Variants in NUDT3 observed in about 807,000 individuals in gnomAD.
NUDT3 encodes the protein nudix hydrolase 3.
Under a neutral mutation model 23.6 loss-of-function variants are expected in NUDT3, and 9 were observed. That is an observed-to-expected ratio of 0.38 (90% CI 0.23 to 0.66). The LOEUF (loss-of-function observed/expected upper bound fraction) is 0.66, where lower values mean the gene tolerates loss of function less well. NUDT3 is among the 30% of genes least tolerant of loss of function. NUDT3 has a pLI of 0.52. For synonymous variants in NUDT3, 86 were observed against 82.6 expected (o/e 1.04, Z -0.22); for missense variants, 172 against 218.5 (o/e 0.79, Z 1.34).
At chr6:34,326,598 CTTTT>C (rs576434468) in intron 2 of NUDT3, among the ~76,000 whole-genome samples, 5 of 146,852 alleles carry the variant, frequency 3.4e-5, no homozygotes, top group African/African-American at 7.5e-5. Flanking sequence ...GATAATCCAG[CTTTT>C]TTTTTTTCTT....
intron 1 of NUDT3, among the ~76,000 whole-genome samples, chr6:34,358,836 C>A (rs1764602935): frequency 6.6e-6 from 1 of 152,050 alleles, no homozygotes; most frequent in African/African-American, 2.4e-5. Flanking sequence ...AAGAGCCAAT[C>A]ATATGGTGGA....
rs1763263402 is a variant in NUDT3 at position 34,279,990 on chromosome 6, G to A, written c.*8763C>T. 1 of 152,232 alleles carries A rather than the reference G, an allele frequency of 6.6e-6. No individual in the cohort carries two copies. Among genetic ancestry groups the A allele is most frequent in the Admixed American group, 6.5e-5 (1 of 15,268 alleles). The allele number at this position is 152,232 out of a possible 1,614,324, so 9.4% of individuals were successfully genotyped here. A position where few individuals can be genotyped will look rare whatever the true frequency, so the allele number is the denominator to read the frequency against. The stretch of plus-strand genomic sequence containing the variant: ...ATATGTGTGGCTGGCCTGTTCTTTA[G>A]AGAGGAAGGTGGGATGGTATCTGCT... On this transcript the variant is annotated 3_prime_UTR_variant, in exon 5 of 5. Coordinates refer to ENST00000607016, the MANE Select transcript of NUDT3 (RefSeq NM_006703.4).
At chr6:34,325,933 G>GTA (rs1467337730) in intron 2 of NUDT3, among the ~76,000 whole-genome samples, 2 of 152,120 alleles carry the variant, frequency 1.3e-5, no homozygotes, top group Admixed American at 6.5e-5. Flanking sequence ...AATATAGCTG[G>GTA]TATATATATA....
chr6:34,354,339 T>C (rs1764524806), intron 1 of NUDT3, among the ~76,000 whole-genome samples: 1 of 151,314 alleles, frequency 6.6e-6, no homozygotes, highest in Non-Finnish European at 1.5e-5. Flanking sequence ...TGCTCTATGA[T>C]CATCCTATGA....
intron 1 of NUDT3, among the ~76,000 whole-genome samples, chr6:34,380,595 G>C (rs1417432956): frequency 6.6e-6 from 1 of 152,170 alleles, no homozygotes; most frequent in Non-Finnish European, 1.5e-5. Context: ...GATTTTCCTG[G>C]TTGATTTCAC....
rs529781023 is a variant in NUDT3, at chr6:34,345,089, C to T, written c.100-3117G>A. ...TTGAGACGGAGTTTTGTTCTTGTTG[C>T]CCAGGCTGGAGTACAGTGGTGCAAC... On this transcript the variant is annotated intron_variant, in intron 1 of 4. Transcript: ENST00000607016. Among the ~76,000 whole-genome samples the T allele has an allele frequency of 7.9e-5, 12 of 151,730 alleles. 1 individual carries two copies. In the South Asian group the frequency reaches 2.5e-3, roughly 32 times the overall value.
chr6:34,351,210 A>AAAAAAAAAAAC (rs1561915081), intron 1 of NUDT3, among the ~76,000 whole-genome samples: 1 of 133,260 alleles, frequency 7.5e-6, no homozygotes, highest in East Asian at 2.1e-4. Flanking sequence ...AAAAAAAAAA[A>AAAAAAAAAAAC]AAAAAAAAAA....
intron 1 of NUDT3, among the ~76,000 whole-genome samples, chr6:34,383,126 CAAA>C (rs557348971): frequency 4.6e-5 from 3 of 65,024 alleles, no homozygotes; most frequent in Non-Finnish European, 3.2e-5. Flanking sequence ...GACTCCATCT[CAAA>C]AAAAAAAAAA....
intron 1 of NUDT3, among the ~76,000 whole-genome samples, chr6:34,390,736 T>G (rs964487158): frequency 1.8e-4 from 28 of 152,278 alleles, no homozygotes; most frequent in Non-Finnish European, 3.2e-4. Flanking sequence ...TGCTCACAGA[T>G]TTATGCATAC....
At chr6:34,310,563 C>A (rs1392916356) in intron 2 of NUDT3, among the ~76,000 whole-genome samples, 2 of 152,100 alleles carry the variant, frequency 1.3e-5, no homozygotes, top group African/African-American at 4.8e-5. Context: ...CCACCACCAC[C>A]ATAATAACCT....
At chr6:34,380,507 T>G (rs567942684) in intron 1 of NUDT3, among the ~76,000 whole-genome samples, 2 of 152,260 alleles carry the variant, frequency 1.3e-5, no homozygotes, top group Admixed American at 6.5e-5. Flanking sequence ...CAAGAGTCAC[T>G]GCAGCCAGCT....
At position 34,312,708 on chromosome 6, in the gene NUDT3, C is replaced by T. The variant is rs190018134; in HGVS notation, c.211-17023G>A. 2.0e-5 allele frequency among the ~76,000 whole-genome samples: 3 copies of T among 152,278 alleles called. No homozygotes were observed. The East Asian group carries it at 5.8e-4, about 29-fold the overall frequency. Reference sequence around the variant, plus strand: ...TGTCTCTTACTAAAACCACACTGTCCTGATTACTGTATAGCAGCTTTATTA... The same window carrying T: ...TGTCTCTTACTAAAACCACACTGTCTTGATTACTGTATAGCAGCTTTATTA... On this transcript the variant is annotated intron_variant, in intron 2 of 4. Transcript: ENST00000607016.
chr6:34,306,846 A>C (rs931572846), intron 2 of NUDT3, among the ~76,000 whole-genome samples: 2 of 152,268 alleles, frequency 1.3e-5, no homozygotes, highest in African/African-American at 4.8e-5. Flanking sequence ...AATTTAGAGT[A>C]GTTATTTGTA....
chr6:34,338,667 A>C (rs1469150070), intron 2 of NUDT3, among the ~76,000 whole-genome samples: 1 of 152,206 alleles, frequency 6.6e-6, no homozygotes, highest in Non-Finnish European at 1.5e-5. Context: ...TTCCCACAGA[A>C]ACAGGTCTGC....
At position 34,282,210 on chromosome 6, in the gene NUDT3, CT is replaced by C. The variant is rs539876341; in HGVS notation, c.*6542del. On this transcript the variant is annotated 3_prime_UTR_variant, in exon 5 of 5. Coordinates refer to ENST00000607016, the MANE Select transcript of NUDT3 (RefSeq NM_006703.4). ...AAAGACAAAGGTTTAACCTGAGAAA[CT>C]TTTTTTTTGGCAAGATAATAAAGAG... 5 of 151,654 alleles carry C rather than the reference CT, an allele frequency of 3.3e-5. No individual in the cohort carries two copies. Among genetic ancestry groups the C allele is most frequent in the African/African-American group, 7.3e-5 (3 of 41,366 alleles). The allele number at this position is 151,654 out of a possible 1,614,324, so 9.4% of individuals were successfully genotyped here.
At chr6:34,296,935 C>CT (rs566118949) in intron 2 of NUDT3, among the ~76,000 whole-genome samples, 10,972 of 134,662 alleles carry the variant, frequency 0.081, 843 homozygotes, top group African/African-American at 0.2. Flanking sequence ...GTGGTTAGAC[C>CT]TTTTTTTTTT....
intron 2 of NUDT3, among the ~76,000 whole-genome samples, chr6:34,300,989 A>C (rs138488127): frequency 6.6e-6 from 1 of 152,338 alleles, no homozygotes; most frequent in East Asian, 1.9e-4. Flanking sequence ...TCTCTACTGA[A>C]TTTAAAAAAG....
At chr6:34,390,316 A>G (rs1765177317) in intron 1 of NUDT3, among the ~76,000 whole-genome samples, 1 of 151,738 alleles carries the variant, frequency 6.6e-6, no homozygotes, top group East Asian at 1.9e-4. Flanking sequence ...GAAAAAAAGT[A>G]AGCTCCTAGA....
At position 34,350,013 on chromosome 6, in the gene NUDT3, CG is replaced by C. The variant is rs1471317136; in HGVS notation, c.100-8042del. On this transcript the variant is annotated intron_variant, in intron 1 of 4. Transcript: ENST00000607016. ...GCTAGGCAGGAGAATGGCGTGAATC[CG>C]GGGGGTGGAGCTTGCAGTGAGCCGA... Among the ~76,000 whole-genome samples, 6 of 149,846 alleles carry C rather than the reference CG, an allele frequency of 4.0e-5. 1 individual carries two copies. Among genetic ancestry groups the C allele is most frequent in the African/African-American group, 1.5e-4 (6 of 40,078 alleles).
Sources: gnomAD v4.1 joint callset for allele counts (sites outside exome capture counted in the v4.1 genomes callset) on GRCh38, gnomAD v4.1.1 for gene constraint, MANE v1.5 for transcripts, NCBI Gene and HGNC (gene_info 2026-07-23, HGNC 2026-07-21) for gene names.